PHOSPHO1: variants seen among roughly 807,000 people sequenced by gnomAD.
PHOSPHO1 encodes the protein phosphoethanolamine/phosphocholine phosphatase 1.
A neutral mutation model predicts 17.7 loss-of-function variants in PHOSPHO1; 6 were observed. That is an observed-to-expected ratio of 0.34 (90% confidence interval 0.19 to 0.67). The LOEUF (loss-of-function observed/expected upper bound fraction) is 0.67, where lower values mean the gene tolerates loss of function less well. Among genes scored for constraint, PHOSPHO1 ranks in the 30% least tolerant of loss-of-function variants. PHOSPHO1 has a pLI of 0.69. For missense variants in PHOSPHO1, 330 were observed against 392.1 expected (o/e 0.84, Z 1.34); for synonymous variants, 159 against 174.6 (o/e 0.91, Z 0.71).
chr17:49,225,997 G>A (rs1202154631), intron 2 of PHOSPHO1, among the ~76,000 whole-genome samples: 1 of 152,060 alleles, frequency 6.6e-6, no homozygotes, highest in East Asian at 1.9e-4. Flanking sequence ...ATTCTTGTTG[G>A]AGGGGAGGGT....
At chr17:49,225,535 T>C (rs1598251982) in intron 2 of PHOSPHO1, 1 of 1,218,450 alleles carries the variant, frequency 8.2e-7, no homozygotes, top group East Asian at 5.9e-5. Context: ...CCATGGGGAA[T>C]CTATGGCTCT....
chr17:49,225,293 G>A, intron 2 of PHOSPHO1: 2 of 985,484 alleles, frequency 2.0e-6, no homozygotes, highest in African/African-American at 3.5e-5. Context: ...CTCATCGAGG[G>A]CCAATGGGGC....
At position 49,224,497 on chromosome 17, in the gene PHOSPHO1, G is replaced by A; in HGVS notation, c.553C>T (p.Leu185=). The change falls in exon 3 of 3, where the codon CTG becomes TTG. Residue 185 remains leucine, a synonymous_variant. Coordinates refer to ENST00000310544, the MANE Select transcript of PHOSPHO1 (RefSeq NM_178500.4). The part of the protein sequence containing the change: ...MCKHKVLSDY[L]RERAHDGVHF... The stretch of plus-strand genomic sequence containing the variant: ...ACGCCGTCGTGGGCCCGCTCGCGCA[G>A]GTAGTCGCTGAGCACCTTGTGCTTG... 6.4e-7 allele frequency: 1 copy of A among 1,573,734 alleles called. No individual in the cohort carries two copies. Among genetic ancestry groups the A allele is most frequent in the Non-Finnish European group, 8.6e-7 (1 of 1,162,468 alleles).
chr17:49,223,929 G>T lies in PHOSPHO1; in HGVS notation c.*317C>A. The T allele has an allele frequency of 3.4e-6, 1 of 293,358 alleles. No individual in the cohort carries two copies. Among genetic ancestry groups the T allele is most frequent in the Non-Finnish European group, 6.3e-6 (1 of 158,644 alleles). 18.2% of individuals were successfully genotyped at this position (293,358 alleles called of 1,614,324 possible). ...GATGTTCCTTCTCTCACCTGCCGGGGGGGCCCCTTCCTCCCAGTTGGGAGG... is the reference window on the plus strand; with the variant it reads ...GATGTTCCTTCTCTCACCTGCCGGGTGGGCCCCTTCCTCCCAGTTGGGAGG... On this transcript the variant is annotated 3_prime_UTR_variant, in exon 3 of 3. Coordinates refer to ENST00000310544, the MANE Select transcript of PHOSPHO1 (RefSeq NM_178500.4).
Position 49,224,706 on chromosome 17 carries a change from C to A in PHOSPHO1, c.344G>T (p.Cys115Phe). Residue 115 changes from cysteine to phenylalanine, a missense_variant, in exon 3 of 3, where the codon TGC (cysteine) becomes TTC (phenylalanine). Transcript: ENST00000310544. ...ATCGGAGATGAGAATCACCTCGAAGCAGGCGCCCTGTTTTGCCACAAACTG... is the reference window on the plus strand; with the variant it reads ...ATCGGAGATGAGAATCACCTCGAAGAAGGCGCCCTGTTTTGCCACAAACTG... ...LLQFVAKQGA[C>F]FEVILISDAN... The A allele has an allele frequency of 6.3e-7, 1 of 1,594,908 alleles. No homozygotes were observed. Among genetic ancestry groups the A allele is most frequent in the Non-Finnish European group, 8.5e-7 (1 of 1,172,188 alleles).
intron 1 of PHOSPHO1, among the ~76,000 whole-genome samples, chr17:49,228,105 T>C (rs2043373782): frequency 6.6e-6 from 1 of 152,072 alleles, no homozygotes; most frequent in Admixed American, 6.6e-5. Flanking sequence ...CCACTCCCCT[T>C]GTAAAAGCAA....
chr17:49,225,220 C>T (rs773047165), intron 2 of PHOSPHO1: 41 of 1,421,160 alleles, frequency 2.9e-5, no homozygotes, highest in Non-Finnish European at 3.6e-5. Context: ...TCCAGTGGCA[C>T]CTCTTAGTTA....
intron 2 of PHOSPHO1, chr17:49,225,922 C>A: frequency 9.1e-7 from 1 of 1,098,404 alleles, no homozygotes; most frequent in Non-Finnish European, 1.2e-6. Flanking sequence ...AGACAGACTG[C>A]TGGACAGGAA....
intron 1 of PHOSPHO1, among the ~76,000 whole-genome samples, chr17:49,230,208 C>A (rs2043399490): frequency 6.6e-6 from 1 of 152,044 alleles, no homozygotes; most frequent in East Asian, 1.9e-4. Context: ...GGCTCCAATG[C>A]GGGCGGGGGG....
rs1250336784 is a variant in PHOSPHO1 at position 49,226,744 on chromosome 17, C to T, written c.-53G>A. ...TGTAGGGACTCTGTTGGCCTCCAGC[C>T]GTCGTCACACGTTCCTGACAACCAC... On this transcript the variant is annotated 5_prime_UTR_variant, in exon 2 of 3. Transcript: ENST00000310544. 6.2e-6 allele frequency: 10 copies of T among 1,601,690 alleles called. No individual in the cohort carries two copies. The highest frequency in any genetic ancestry group is 1.7e-4 in the Middle Eastern group (1 of 6,040).
At chr17:49,228,446 T>C (rs918559717) in intron 1 of PHOSPHO1, among the ~76,000 whole-genome samples, 4 of 151,946 alleles carry the variant, frequency 2.6e-5, no homozygotes, top group African/African-American at 9.7e-5. Context: ...CACTTAAGTC[T>C]AGGAGTTTGA....
intron 1 of PHOSPHO1, among the ~76,000 whole-genome samples, chr17:49,226,966 C>G (rs7209175): frequency 0.05 from 7,596 of 152,236 alleles, 363 homozygotes; most frequent in African/African-American, 0.12. Context: ...ACTGACTTTC[C>G]CAAAAGTCAC....
chr17:49,226,451 C>G (rs2043358389), intron 2 of PHOSPHO1, among the ~76,000 whole-genome samples, 196 bp downstream of exon 2: 1 of 152,162 alleles, frequency 6.6e-6, no homozygotes, highest in Admixed American at 6.6e-5. Flanking sequence ...GGCCCAGGAT[C>G]CTTCAAATTG....
At chr17:49,226,404 C>A (rs957282509) in intron 2 of PHOSPHO1, among the ~76,000 whole-genome samples, 3 of 152,188 alleles carry the variant, frequency 2.0e-5, no homozygotes, top group African/African-American at 7.2e-5. Context: ...CCTAGAGTCA[C>A]CCTCTGGTCT....
chr17:49,226,825 A>G, intron 1 of PHOSPHO1, 67 bp from the exon 2 acceptor site: 1 of 971,426 alleles, frequency 1.0e-6, no homozygotes, highest in Non-Finnish European at 1.6e-6. Context: ...AGGAATACCC[A>G]CCTGGCCCTG....
At position 49,230,686 on chromosome 17, in the gene PHOSPHO1, C is replaced by A; in HGVS notation, c.-286G>T. 6.5e-6 allele frequency: 1 copy of A among 153,276 alleles called. No individual in the cohort carries two copies. Among genetic ancestry groups the A allele is most frequent in the South Asian group, 1.8e-4 (1 of 5,604 alleles). 9.5% of individuals were successfully genotyped at this position (153,276 alleles called of 1,614,324 possible). On this transcript the variant is annotated 5_prime_UTR_variant, in exon 1 of 3. It adds an upstream start codon to the 5' untranslated region. Transcript: ENST00000310544. Reference sequence around the variant, plus strand: ...GGATGATGTGCGTCTGAGCCGTCCCCTCCACTTGCCCCTCATCCCCCCCGG... The same window carrying A: ...GGATGATGTGCGTCTGAGCCGTCCCATCCACTTGCCCCTCATCCCCCCCGG...
chr17:49,228,787 C>CA (rs71144585), intron 1 of PHOSPHO1, among the ~76,000 whole-genome samples: 10,155 of 78,184 alleles, frequency 0.13, 599 homozygotes, highest in Admixed American at 0.2. Context: ...GACTCCGTCT[C>CA]AAAAAAAAAA....
chr17:49,224,776 T>C lies in PHOSPHO1; in HGVS notation c.274A>G (p.Ile92Val), dbSNP rs1244053166. ...GGCGACAAAGGGATGGCTTCGTAGA[T>C]GGCGCTCAGGTCCCGCGGCCGCACG... ...QGVRPRDLSAIYEAIPLSPGM... is the reference protein window; with the variant it reads ...QGVRPRDLSAVYEAIPLSPGM... Residue 92 changes from isoleucine to valine, a missense_variant, in exon 3 of 3, where the codon ATC becomes GTC. Ile to Val is a conservative substitution (Grantham distance 29, BLOSUM62 3). Coordinates refer to ENST00000310544, the MANE Select transcript of PHOSPHO1 (RefSeq NM_178500.4). The C allele has an allele frequency of 6.3e-7, 1 of 1,599,292 alleles. No individual in the cohort carries two copies. The highest frequency in any genetic ancestry group is 8.5e-7 in the Non-Finnish European group (1 of 1,173,302).
At chr17:49,225,219 A>C in intron 2 of PHOSPHO1, 1 of 1,419,664 alleles carries the variant, frequency 7.0e-7, no homozygotes, top group Non-Finnish European at 9.1e-7. Context: ...CTCCAGTGGC[A>C]CCTCTTAGTT....
Sources: allele counts gnomAD v4.1 joint callset (sites outside exome capture counted in the v4.1 genomes callset), GRCh38; gene constraint gnomAD v4.1.1; transcripts MANE v1.5; gene names NCBI Gene and HGNC (gene_info 2026-07-23, HGNC 2026-07-21).